GRHL2: variants seen among roughly 807,000 people sequenced by gnomAD.
GRHL2 encodes the protein grainyhead-like protein 2 homolog.
A neutral mutation model predicts 83.8 loss-of-function variants in GRHL2; 21 were observed. The observed-to-expected ratio is 0.25, with a 90% CI of 0.18 to 0.36. GRHL2 has a LOEUF of 0.36. Among genes scored for constraint, GRHL2 ranks in the 10% least tolerant of loss-of-function variants. The pLI is 1.00. For missense variants in GRHL2, 623 were observed against 781.8 expected (o/e 0.80, Z 2.42); for synonymous variants, 280 against 278.9 (o/e 1.00, Z -0.04).
chr8:101,564,426 C>T (rs776758920), intron 4 of GRHL2, among the ~76,000 whole-genome samples: 6 of 152,148 alleles, frequency 3.9e-5, no homozygotes, highest in Non-Finnish European at 5.9e-5. Context: ...TGTATGTGCA[C>T]GTGCATGTGT....
intron 9 of GRHL2, among the ~76,000 whole-genome samples, chr8:101,631,385 A>G (rs1399341012): frequency 6.6e-6 from 1 of 152,228 alleles, no homozygotes; most frequent in African/African-American, 2.4e-5. Flanking sequence ...TTCTTTAAAT[A>G]GGAAAGATAC....
At chr8:101,570,253 T>C in intron 4 of GRHL2, 86 bp from the exon 5 acceptor site, 2 of 1,075,008 alleles carry the variant, frequency 1.9e-6, no homozygotes, top group South Asian at 1.3e-5. Flanking sequence ...AATGAGAGAA[T>C]AAAATAGTTT....
chr8:101,497,854 C>T (rs1003402284), intron 1 of GRHL2, among the ~76,000 whole-genome samples: 12 of 152,282 alleles, frequency 7.9e-5, no homozygotes, highest in African/African-American at 2.9e-4. Flanking sequence ...GGATGAACAG[C>T]TTCAGATATG....
At chr8:101,516,823 C>G (rs185121197) in intron 1 of GRHL2, among the ~76,000 whole-genome samples, 15 of 152,294 alleles carry the variant, frequency 9.8e-5, no homozygotes, top group Non-Finnish European at 1.8e-4. Flanking sequence ...TTGGCTCTGC[C>G]ACAACCCACT....
At chr8:101,564,114 G>A (rs995148117) in intron 4 of GRHL2, among the ~76,000 whole-genome samples, 1 of 152,170 alleles carries the variant, frequency 6.6e-6, no homozygotes, top group East Asian at 1.9e-4. Context: ...TACCAGAAAC[G>A]AAATATAAAG....
At chr8:101,509,209 TTGTGTGTGTGTGTGTGTG>T (rs59898617) in intron 1 of GRHL2, among the ~76,000 whole-genome samples, 3 of 53,740 alleles carry the variant, frequency 5.6e-5, no homozygotes, top group Admixed American at 3.8e-4. Flanking sequence ...TTCTTTCTTC[TTGTGTGTGTGTGTGTGTG>T]TGTGTGTGTG....
At chr8:101,548,200 A>G (rs1811305065) in intron 2 of GRHL2, among the ~76,000 whole-genome samples, 1 of 152,170 alleles carries the variant, frequency 6.6e-6, no homozygotes, top group South Asian at 2.1e-4. Context: ...CACCCAAAAA[A>G]TATTCACTAA....
intron 7 of GRHL2, among the ~76,000 whole-genome samples, chr8:101,593,942 G>A (rs990667115): frequency 9.2e-5 from 14 of 151,816 alleles, no homozygotes; most frequent in African/African-American, 3.1e-4. Context: ...GGTGGCAGGT[G>A]CCTGTAATCC....
chr8:101,577,191 T>C (rs975237901), intron 6 of GRHL2, among the ~76,000 whole-genome samples: 1 of 152,104 alleles, frequency 6.6e-6, no homozygotes, highest in African/African-American at 2.4e-5. Context: ...CTTTTTTTTT[T>C]CCTTCATGCT....
At chr8:101,578,496 G>T (rs1811979620) in intron 7 of GRHL2, among the ~76,000 whole-genome samples, 1 of 152,206 alleles carries the variant, frequency 6.6e-6, no homozygotes, top group Admixed American at 6.5e-5. Flanking sequence ...CCTCTGAGAT[G>T]CAGAGCAAAG....
chr8:101,585,621 G>A (rs1410280271), intron 7 of GRHL2, among the ~76,000 whole-genome samples: 1 of 152,190 alleles, frequency 6.6e-6, no homozygotes. Context: ...CATGTGCAGT[G>A]TAAGACATGC....
intron 1 of GRHL2, among the ~76,000 whole-genome samples, chr8:101,519,549 C>A (rs1315278947): frequency 6.7e-6 from 1 of 149,716 alleles, no homozygotes; most frequent in Non-Finnish European, 1.5e-5. Flanking sequence ...GGTGTGCCAC[C>A]ATGACCAGCT....
chr8:101,666,567 A>G, intron 15 of GRHL2, 22 bp from the exon 16 acceptor site: 3 of 1,446,944 alleles, frequency 2.1e-6, no homozygotes, highest in Non-Finnish European at 2.9e-6. Context: ...TGTTTTTCAC[A>G]CCCCTCCCCC....
chr8:101,665,288 A>G (rs1814024955), intron 15 of GRHL2, among the ~76,000 whole-genome samples: 1 of 152,178 alleles, frequency 6.6e-6, no homozygotes, highest in Non-Finnish European at 1.5e-5. Context: ...TAGGGGCCAC[A>G]GGAGCTAGTG....
chr8:101,595,401 T>G (rs951439365), intron 7 of GRHL2, among the ~76,000 whole-genome samples: 1 of 152,256 alleles, frequency 6.6e-6, no homozygotes, highest in South Asian at 2.1e-4. Context: ...TGAACAAATT[T>G]TCTTGGTTTG....
intron 1 of GRHL2, among the ~76,000 whole-genome samples, chr8:101,503,590 C>A (rs1380524152): frequency 5.9e-5 from 9 of 152,134 alleles, no homozygotes; most frequent in Non-Finnish European, 1.3e-4. Flanking sequence ...TAACTAAATT[C>A]CAGTTTCAGG....
At chr8:101,571,953 C>G (rs1299078745) in intron 5 of GRHL2, among the ~76,000 whole-genome samples, 1 of 152,210 alleles carries the variant, frequency 6.6e-6, no homozygotes, top group Non-Finnish European at 1.5e-5. Flanking sequence ...CCTCGTTTCT[C>G]TTTCCGCTGC....
chr8:101,573,746 C>T lies in GRHL2; in HGVS notation c.813C>T (p.Asn271=). 6.2e-7 allele frequency: 1 copy of T among 1,614,160 alleles called. No homozygotes were observed. Among genetic ancestry groups the T allele is most frequent in the Non-Finnish European group, 8.5e-7 (1 of 1,180,024 alleles). ...KQGEGPMTYL[N]KGQFYAITLS... is the part of the protein sequence containing the mutation. ...GGGAGGGCCCCATGACCTACCTCAA[C>T]AAAGGACAGTTCTATGCCATAACAC... Residue 271 remains asparagine, a synonymous_variant, in exon 6 of 16, where the codon AAC becomes AAT. Transcript: ENST00000646743.
chr8:101,542,873 T>A, intron 1 of GRHL2: 1 of 459,142 alleles, frequency 2.2e-6, no homozygotes, highest in South Asian at 1.6e-5. Context: ...CCTTTGATAA[T>A]GGCATTGATC....
Sources: gnomAD v4.1 joint callset for allele counts (sites outside exome capture counted in the v4.1 genomes callset) on GRCh38, gnomAD v4.1.1 for gene constraint, MANE v1.5 for transcripts, NCBI Gene and HGNC (gene_info 2026-07-23, HGNC 2026-07-21) for gene names.